CDK14: variants seen among roughly 807,000 people sequenced by gnomAD.
CDK14 encodes cyclin dependent kinase 14, also known as cyclin-dependent kinase 14.
A neutral mutation model predicts 60.7 loss-of-function variants in CDK14; 34 were observed. The ratio of observed to expected loss-of-function variants is 0.56; its 90% confidence interval spans 0.43 to 0.75. The LOEUF (loss-of-function observed/expected upper bound fraction) is 0.75, where lower values mean the gene tolerates loss of function less well. Among genes scored for constraint, CDK14 ranks in the 30% least tolerant of loss-of-function variants. CDK14 has a pLI of 0.00. For synonymous variants in CDK14, 197 were observed against 203.7 expected, an observed-to-expected ratio of 0.97 and a Z score of 0.28; for missense variants, 482 against 564.1, an observed-to-expected ratio of 0.85 and a Z score of 1.47.
intron 14 of CDK14, among the ~76,000 whole-genome samples, chr7:91,200,146 A>G (rs1221039597): frequency 6.6e-6 from 1 of 152,218 alleles, no homozygotes; most frequent in Non-Finnish European, 1.5e-5. Context: ...AAATTCACTC[A>G]AAGAATAAGG....
At chr7:91,196,021 C>T (rs890290892) in intron 14 of CDK14, among the ~76,000 whole-genome samples, 2 of 152,212 alleles carry the variant, frequency 1.3e-5, no homozygotes, top group Non-Finnish European at 2.9e-5. Context: ...CCTTTCTAGA[C>T]ATTAAATTGT....
At chr7:91,152,250 G>A (rs1415913483) in intron 14 of CDK14, among the ~76,000 whole-genome samples, 1 of 152,058 alleles carries the variant, frequency 6.6e-6, no homozygotes, top group African/African-American at 2.4e-5. Context: ...ATTACCACTT[G>A]GGAATCACAA....
intron 6 of CDK14, among the ~76,000 whole-genome samples, chr7:90,898,597 T>C (rs1182080078): frequency 6.6e-6 from 1 of 152,008 alleles, no homozygotes; most frequent in Non-Finnish European, 1.5e-5. Flanking sequence ...AAATTATATA[T>C]AGTTTATGAT....
At chr7:91,206,181 C>T (rs191246966) in intron 14 of CDK14, among the ~76,000 whole-genome samples, 1 of 152,166 alleles carries the variant, frequency 6.6e-6, no homozygotes, top group African/African-American at 2.4e-5. Context: ...GGGGTGATGT[C>T]CTTGATGCCA....
intron 12 of CDK14, among the ~76,000 whole-genome samples, chr7:91,084,709 C>A (rs1029480069): frequency 6.6e-6 from 1 of 152,174 alleles, no homozygotes; most frequent in Non-Finnish European, 1.5e-5. Flanking sequence ...GTTTTTTGAT[C>A]CCCTTCTGAT....
chr7:90,754,426 T>C (rs1803974411), intron 4 of CDK14, among the ~76,000 whole-genome samples: 1 of 152,180 alleles, frequency 6.6e-6, no homozygotes, highest in African/African-American at 2.4e-5. Flanking sequence ...TGGCTGTCCA[T>C]ATGCAGGAGA....
At chr7:91,027,957 G>T (rs1297099332) in intron 10 of CDK14, among the ~76,000 whole-genome samples, 2 of 100,324 alleles carry the variant, frequency 2.0e-5, no homozygotes, top group African/African-American at 4.2e-5. Flanking sequence ...ACTCCCCTCC[G>T]CTCCCTTCTC....
intron 12 of CDK14, among the ~76,000 whole-genome samples, chr7:91,100,533 T>C (rs1799121822): frequency 6.6e-6 from 1 of 152,204 alleles, no homozygotes; most frequent in Non-Finnish European, 1.5e-5. Flanking sequence ...TATGAATATT[T>C]TATGATAATG....
At chr7:90,832,369 C>T (rs1319056134) in intron 5 of CDK14, among the ~76,000 whole-genome samples, 2 of 152,032 alleles carry the variant, frequency 1.3e-5, no homozygotes, top group South Asian at 2.1e-4. Context: ...ATGGAGAGGC[C>T]CAAGGGAAAG....
chr7:90,846,524 C>T (rs1361015564), intron 5 of CDK14, among the ~76,000 whole-genome samples: 1 of 152,182 alleles, frequency 6.6e-6, no homozygotes, highest in South Asian at 2.1e-4. Context: ...CTGATCTGCA[C>T]ATTTCCATCA....
At chr7:90,602,177 T>C (rs1799330759) in intron 1 of CDK14, among the ~76,000 whole-genome samples, 1 of 152,160 alleles carries the variant, frequency 6.6e-6, no homozygotes, top group Admixed American at 6.6e-5. Flanking sequence ...TCCAGAACTT[T>C]TATAATGTCC....
chr7:90,859,245 T>C (rs1025152833), intron 5 of CDK14, among the ~76,000 whole-genome samples: 1 of 152,218 alleles, frequency 6.6e-6, no homozygotes, highest in Non-Finnish European at 1.5e-5. Flanking sequence ...GACCAATATA[T>C]GTTTATAAAA....
At chr7:91,082,618 C>T (rs1476346111) in intron 12 of CDK14, among the ~76,000 whole-genome samples, 1 of 152,164 alleles carries the variant, frequency 6.6e-6, no homozygotes, top group Non-Finnish European at 1.5e-5. Flanking sequence ...CCAGCAGAGT[C>T]TCCAACCTGA....
At chr7:90,746,425 TC>T (rs2116804120) in intron 3 of CDK14, among the ~76,000 whole-genome samples, 1 of 152,296 alleles carries the variant, frequency 6.6e-6, no homozygotes, top group East Asian at 1.9e-4. Context: ...AAAGTAGTGT[TC>T]AAGCCCAACT....
At chr7:90,719,717 A>T (rs570614354) in intron 2 of CDK14, among the ~76,000 whole-genome samples, 1 of 151,908 alleles carries the variant, frequency 6.6e-6, no homozygotes, top group African/African-American at 2.4e-5. Flanking sequence ...AATTTACTGG[A>T]AAAAAAAGTT....
chr7:91,025,715 T>A (rs1796549743), intron 10 of CDK14, among the ~76,000 whole-genome samples: 1 of 152,178 alleles, frequency 6.6e-6, no homozygotes, highest in Admixed American at 6.5e-5. Context: ...AAAGTGAGAA[T>A]CTGAGGCAAC....
At chr7:90,842,987 C>T (rs1034857903) in intron 5 of CDK14, among the ~76,000 whole-genome samples, 1 of 152,090 alleles carries the variant, frequency 6.6e-6, no homozygotes, top group Non-Finnish European at 1.5e-5. Context: ...CAATATTTTT[C>T]CTGCTTGATT....
chr7:90,838,916 T>C (rs1199559097), intron 5 of CDK14, among the ~76,000 whole-genome samples: 1 of 152,182 alleles, frequency 6.6e-6, no homozygotes. Context: ...TTGAAACATG[T>C]GATCTCTGTG....
chr7:91,091,746 GAAGGAAGGAAGGAAGGAAGT>G (rs1377816529), intron 12 of CDK14, among the ~76,000 whole-genome samples: 53 of 91,564 alleles, frequency 5.8e-4, no homozygotes, highest in South Asian at 2.0e-3. Flanking sequence ...AGGAAGGAAG[GAAGGAAGGAAGGAAGGAAGT>G]AAGTTATTTT....
Sources: gnomAD v4.1 joint callset for allele counts (sites outside exome capture counted in the v4.1 genomes callset) on GRCh38, gnomAD v4.1.1 for gene constraint, MANE v1.5 for transcripts, NCBI Gene and HGNC (gene_info 2026-07-23, HGNC 2026-07-21) for gene names.